The following LRP1B variants were observed in gnomAD, a reference collection of about 807,000 sequenced individuals.
LRP1B encodes LDL receptor related protein 1B, also known as low-density lipoprotein receptor-related protein 1B.
LRP1B carries 217 observed loss-of-function variants against 556.6 expected under a neutral mutation model. The observed-to-expected ratio is 0.39, with a 90% confidence interval of 0.35 to 0.44. LRP1B has a LOEUF of 0.44. Among genes scored for constraint, LRP1B ranks in the 20% least tolerant of loss-of-function variants. The pLI is 1.00. For missense variants in LRP1B, 5,053 were observed against 5,620.8 expected (o/e 0.90, Z 3.23); for synonymous variants, 2,047 against 1,865.8 (o/e 1.10, Z -2.50).
At chr2:141,162,395 A>G (rs982259288) in intron 7 of LRP1B, among the ~76,000 whole-genome samples, 2 of 152,046 alleles carry the variant, frequency 1.3e-5, no homozygotes, top group Admixed American at 6.6e-5. Context: ...CTTTTAGAAC[A>G]GTCCCTGGAG....
At chr2:140,312,154 T>C (rs1684330665) in intron 83 of LRP1B, among the ~76,000 whole-genome samples, 1 of 151,924 alleles carries the variant, frequency 6.6e-6, no homozygotes, top group African/African-American at 2.4e-5. Flanking sequence ...GTTGTGGTAT[T>C]CACTTAAAAT....
At chr2:140,805,784 A>C (rs1188409504) in intron 32 of LRP1B, among the ~76,000 whole-genome samples, 1 of 152,194 alleles carries the variant, frequency 6.6e-6, no homozygotes, top group African/African-American at 2.4e-5. Context: ...CTTTTGCACC[A>C]ACATATAGAG....
chr2:140,351,389 A>G (rs1374936738), intron 76 of LRP1B, among the ~76,000 whole-genome samples: 4 of 152,020 alleles, frequency 2.6e-5, no homozygotes, highest in Admixed American at 2.6e-4. Context: ...TATGTTGTAT[A>G]CTCATTAAGC....
chr2:141,231,467 C>CA (rs1007783883), intron 5 of LRP1B, among the ~76,000 whole-genome samples: 54 of 151,390 alleles, frequency 3.6e-4, no homozygotes, highest in South Asian at 6.2e-4. Flanking sequence ...CCAGAGGTAG[C>CA]AAAAAAAAGA....
intron 20 of LRP1B, among the ~76,000 whole-genome samples, chr2:140,929,982 G>A (rs920066242): frequency 2.6e-5 from 4 of 151,972 alleles, no homozygotes; most frequent in African/African-American, 9.7e-5. Context: ...TTTGAAATCC[G>A]CTTCTGTTAA....
chr2:140,752,434 C>T (rs1386143418), intron 35 of LRP1B, among the ~76,000 whole-genome samples: 1 of 151,630 alleles, frequency 6.6e-6, no homozygotes, highest in African/African-American at 2.4e-5. Flanking sequence ...AAGCTATTCT[C>T]CTCTCTCAGC....
chr2:140,444,185 C>A lies in LRP1B; in HGVS notation c.10294+145G>T, dbSNP rs1047813161. The A allele has an allele frequency of 5.1e-6, 4 of 786,020 alleles. No homozygotes were observed. In the Admixed American group the frequency reaches 8.4e-5, roughly 16 times the overall value. The allele number at this position is 786,020 out of a possible 1,614,324, so 48.7% of individuals were successfully genotyped here. On this transcript the variant is annotated intron_variant, in intron 65 of 90. Coordinates refer to ENST00000389484, the MANE Select transcript of LRP1B (RefSeq NM_018557.3). ...ATATTTTTATTTAGAGCTTCTATCC[C>A]AGTTGGCATCTATTTCTAATTATTT... is the stretch of plus-strand genomic sequence containing the variant.
chr2:140,462,804 C>G (rs1010514167), intron 60 of LRP1B, among the ~76,000 whole-genome samples: 7 of 152,162 alleles, frequency 4.6e-5, no homozygotes, highest in Admixed American at 2.0e-4. Flanking sequence ...ATCCATGACA[C>G]CATTCTCTGA....
intron 3 of LRP1B, among the ~76,000 whole-genome samples, chr2:141,325,123 C>CTT (rs375836388): frequency 5.3e-5 from 8 of 150,020 alleles, no homozygotes; most frequent in Non-Finnish European, 1.2e-4. Context: ...ATGTTAAAGG[C>CTT]TTTTTTTTTG....
chr2:141,331,149 G>A (rs1408597861), intron 3 of LRP1B, among the ~76,000 whole-genome samples: 2 of 152,046 alleles, frequency 1.3e-5, no homozygotes, highest in East Asian at 3.9e-4. Context: ...CTGGTTTAAC[G>A]TGTAGCCTCT....
At chr2:142,125,238 A>C (rs767340485) in intron 1 of LRP1B, among the ~76,000 whole-genome samples, 3 of 151,822 alleles carry the variant, frequency 2.0e-5, no homozygotes, top group Non-Finnish European at 4.4e-5. Context: ...CAGAAAAAAA[A>C]CAGCATATAC....
intron 46 of LRP1B, 150 bp from the exon 47 acceptor site, chr2:140,534,290 T>C (rs778784692): frequency 4.1e-6 from 3 of 737,950 alleles, no homozygotes; most frequent in South Asian, 2.0e-5. Flanking sequence ...GATTAGAATG[T>C]TTATGTGTTG....
At chr2:141,043,907 T>A (rs1164483651) in intron 11 of LRP1B, among the ~76,000 whole-genome samples, 2 of 151,886 alleles carry the variant, frequency 1.3e-5, no homozygotes, top group Non-Finnish European at 2.9e-5. Context: ...TTCACAGAAT[T>A]GGAAAAAACT....
intron 1 of LRP1B, among the ~76,000 whole-genome samples, chr2:142,005,026 G>A (rs1312069699): frequency 1.4e-5 from 2 of 147,698 alleles, no homozygotes; most frequent in African/African-American, 4.9e-5. Flanking sequence ...TATATATTTA[G>A]TATTATAGAT....
intron 82 of LRP1B, among the ~76,000 whole-genome samples, 172 bp downstream of exon 82, chr2:140,321,791 T>G (rs1278648733): frequency 1.3e-5 from 2 of 152,120 alleles, no homozygotes; most frequent in South Asian, 4.1e-4. Flanking sequence ...CAGAATGAAT[T>G]GTTTGAAAGT....
intron 3 of LRP1B, among the ~76,000 whole-genome samples, chr2:141,328,732 T>C (rs1687523180): frequency 1.3e-5 from 2 of 152,180 alleles, no homozygotes; most frequent in South Asian, 4.1e-4. Context: ...AAGGATAAGA[T>C]GTTGCCAGTC....
chr2:140,503,544 A>C (rs1433284572), intron 53 of LRP1B, among the ~76,000 whole-genome samples: 1 of 152,108 alleles, frequency 6.6e-6, no homozygotes, highest in Non-Finnish European at 1.5e-5. Context: ...AGAAAGCAGC[A>C]CTCAAAGTGT....
chr2:140,416,795 G>A (rs1685222097), intron 66 of LRP1B, among the ~76,000 whole-genome samples: 1 of 152,160 alleles, frequency 6.6e-6, no homozygotes, highest in Admixed American at 6.5e-5. Flanking sequence ...ACTTATTTTA[G>A]TCCATGTGTG....
At chr2:140,842,575 CTTATT>C (rs990136067) in intron 29 of LRP1B, among the ~76,000 whole-genome samples, 1 of 151,866 alleles carries the variant, frequency 6.6e-6, no homozygotes, top group African/African-American at 2.4e-5. Context: ...CACATTTCTT[CTTATT>C]TTTAGTTATC....
Sources: gnomAD v4.1 joint callset for allele counts (sites outside exome capture counted in the v4.1 genomes callset) on GRCh38, gnomAD v4.1.1 for gene constraint, MANE v1.5 for transcripts, NCBI Gene and HGNC (gene_info 2026-07-23, HGNC 2026-07-21) for gene names.